MMP26: variants seen among roughly 807,000 people sequenced by gnomAD.
MMP26 encodes the protein matrix metalloproteinase-26.
A neutral mutation model predicts 31.0 loss-of-function variants in MMP26; 33 were observed. The ratio of observed to expected loss-of-function variants is 1.06; its 90% CI spans 0.81 to 1.42. The LOEUF (loss-of-function observed/expected upper bound fraction) is 1.42, where lower values mean the gene tolerates loss of function less well. MMP26 is among the 40% of genes most tolerant of loss of function. MMP26 has a pLI of 0.00. For synonymous variants in MMP26, 122 were observed against 114.9 expected (o/e 1.06, Z -0.40); for missense variants, 347 against 316.1 (o/e 1.10, Z -0.74).
At chr11:4,907,573 C>T in intron 2 of MMP26, 1 of 1,613,984 alleles carries the variant, frequency 6.2e-7, no homozygotes, top group South Asian at 1.1e-5. Context: ...TGTTGGCTGT[C>T]TCTGACATGG....
chr11:4,818,711 A>G (rs1384371520), intron 2 of MMP26, among the ~76,000 whole-genome samples: 1 of 152,150 alleles, frequency 6.6e-6, no homozygotes, highest in East Asian at 1.9e-4. Context: ...AGTTTCTGCT[A>G]TGTGGTATTG....
chr11:4,874,373 C>A (rs899393505), intron 2 of MMP26, among the ~76,000 whole-genome samples: 1 of 152,032 alleles, frequency 6.6e-6, no homozygotes, highest in South Asian at 2.1e-4. Context: ...AGCTCTCTGT[C>A]TTTTGTGTGT....
intron 2 of MMP26, among the ~76,000 whole-genome samples, chr11:4,968,312 T>A (rs1419449158): frequency 6.6e-6 from 1 of 152,100 alleles, no homozygotes; most frequent in African/African-American, 2.4e-5. Context: ...AATGTTTCCA[T>A]GAAATTTAGC....
At chr11:4,736,150 A>G (rs1848237129) in intron 1 of MMP26, 1 of 152,220 alleles carries the variant, frequency 6.6e-6, no homozygotes, top group South Asian at 2.1e-4. Context: ...CAGAAGTATT[A>G]GAGTCACAAC....
intron 2 of MMP26, chr11:4,943,710 A>G: frequency 2.8e-6 from 1 of 353,442 alleles, no homozygotes; most frequent in Non-Finnish European, 5.6e-6. Flanking sequence ...CTGTTTAAGG[A>G]GCCCCAGAGT....
Position 4,946,434 on chromosome 11 carries a change from G to C in MMP26, c.-144-41634G>C, listed in dbSNP as rs756625215. ...GATGCAATTCCCAGTACAGTCTTGA[G>C]GATCAGGGTGTAAGACACAGCAATG... On this transcript the variant is annotated intron_variant, in intron 2 of 7. Coordinates refer to ENST00000380390, the MANE Select transcript of MMP26 (RefSeq NM_021801.5). 102 of 1,610,216 alleles carry C rather than the reference G, an allele frequency of 6.3e-5. 2 individuals carry two copies. In the South Asian group the frequency reaches 9.1e-4, roughly 14 times the overall value.
chr11:4,932,897 T>G (rs1049378826), intron 2 of MMP26, among the ~76,000 whole-genome samples: 2 of 152,162 alleles, frequency 1.3e-5, no homozygotes, highest in African/African-American at 2.4e-5. Flanking sequence ...TTAAGTATAT[T>G]TATTCATGGC....
intron 2 of MMP26, among the ~76,000 whole-genome samples, chr11:4,987,117 G>C (rs1008788489): frequency 6.6e-6 from 1 of 151,330 alleles, no homozygotes; most frequent in African/African-American, 2.4e-5. Flanking sequence ...CCTGACCTCA[G>C]GTGATCCATC....
At chr11:4,987,621 T>C (rs1195818366) in intron 2 of MMP26, among the ~76,000 whole-genome samples, 1 of 152,014 alleles carries the variant, frequency 6.6e-6, no homozygotes, top group Non-Finnish European at 1.5e-5. Flanking sequence ...GGTTTCACCG[T>C]GTTAGCCAGG....
intron 2 of MMP26, among the ~76,000 whole-genome samples, chr11:4,828,170 TAGGA>T (rs1368550219): frequency 6.6e-6 from 1 of 152,156 alleles, no homozygotes; most frequent in Non-Finnish European, 1.5e-5. Context: ...TGTATAAGAA[TAGGA>T]ATGTGAGGAA....
chr11:4,843,973 A>C (rs1158669646), intron 2 of MMP26, among the ~76,000 whole-genome samples: 1 of 152,220 alleles, frequency 6.6e-6, no homozygotes, highest in African/African-American at 2.4e-5. Context: ...CAAATGATCA[A>C]TAAAACAAAA....
chr11:4,798,437 T>C (rs1285534794), intron 2 of MMP26, among the ~76,000 whole-genome samples: 2 of 152,234 alleles, frequency 1.3e-5, no homozygotes, highest in East Asian at 3.8e-4. Flanking sequence ...TCTACCTACA[T>C]GGCATAAATA....
At chr11:4,706,244 A>G (rs1391944780) in intron 1 of MMP26, among the ~76,000 whole-genome samples, 2 of 151,860 alleles carry the variant, frequency 1.3e-5, no homozygotes, top group African/African-American at 2.4e-5. Flanking sequence ...TTTTATTTTT[A>G]TTTTTGCTGT....
chr11:4,744,182 G>C (rs1429747080), intron 1 of MMP26, among the ~76,000 whole-genome samples: 2 of 151,946 alleles, frequency 1.3e-5, no homozygotes, highest in African/African-American at 4.8e-5. Context: ...TCTCAACTAG[G>C]TTTCACACTG....
chr11:4,920,107 A>T (rs1851161002), intron 2 of MMP26, among the ~76,000 whole-genome samples: 1 of 152,162 alleles, frequency 6.6e-6, no homozygotes, highest in Non-Finnish European at 1.5e-5. Context: ...AGAGAGAGAA[A>T]TGAAGGGAGG....
intron 2 of MMP26, among the ~76,000 whole-genome samples, chr11:4,891,612 C>A (rs1850623931): frequency 6.6e-6 from 1 of 152,176 alleles, no homozygotes; most frequent in Non-Finnish European, 1.5e-5. Context: ...AAGGACATAA[C>A]AAATGCCATG....
intron 1 of MMP26, among the ~76,000 whole-genome samples, chr11:4,733,088 C>A (rs7110669): frequency 0.02 from 3,111 of 152,288 alleles, 105 homozygotes; most frequent in African/African-American, 0.072. Context: ...AGTAAGTATG[C>A]AACACCCAAC....
chr11:4,819,566 ATTTTTTTTT>A (rs71050433), intron 2 of MMP26, among the ~76,000 whole-genome samples: 519 of 50,330 alleles, frequency 0.01, 10 homozygotes, highest in African/African-American at 0.043. Flanking sequence ...GAGTCGACTG[ATTTTTTTTT>A]TTTTTTTTTT....
chr11:4,720,680 A>G (rs1847998945), intron 1 of MMP26, among the ~76,000 whole-genome samples: 1 of 152,324 alleles, frequency 6.6e-6, no homozygotes, highest in Admixed American at 6.5e-5. Flanking sequence ...AGTTCCCCCA[A>G]GAGCTTATAT....
Sources: allele counts gnomAD v4.1 joint callset (sites outside exome capture counted in the v4.1 genomes callset), GRCh38; gene constraint gnomAD v4.1.1; transcripts MANE v1.5; gene names NCBI Gene and HGNC (gene_info 2026-07-23, HGNC 2026-07-21).